Variants in PLIN4 observed in about 807,000 individuals in gnomAD.
PLIN4 encodes the protein perilipin 4, also known as perilipin-4.
Under a neutral mutation model 52.4 loss-of-function variants are expected in PLIN4, and 57 were observed. That is an observed-to-expected ratio of 1.09 (90% CI 0.88 to 1.36). PLIN4 has a LOEUF of 1.36. PLIN4 is among the 40% of genes most tolerant of loss of function. The pLI, the probability that PLIN4 is intolerant of heterozygous loss-of-function variation, is 0.00. For synonymous variants in PLIN4, 826 were observed against 785.4 expected (o/e 1.05, Z -0.86); for missense variants, 1,757 against 1,770.3 (o/e 0.99, Z 0.13).
chr19:4,506,921 C>T (rs1976112100), intron 6 of PLIN4, among the ~76,000 whole-genome samples: 1 of 152,204 alleles, frequency 6.6e-6, no homozygotes, highest in Non-Finnish European at 1.5e-5. Context: ...ATGAGGTGTC[C>T]TGAGGGTCCC....
chr19:4,516,316 G>A (rs1286730793), intron 4 of PLIN4, among the ~76,000 whole-genome samples: 1 of 152,230 alleles, frequency 6.6e-6, no homozygotes, highest in Non-Finnish European at 1.5e-5. Context: ...TGCTTACGCT[G>A]CTGTCGCTTT....
rs1028533834 is a variant in PLIN4, at chr19:4,503,200, G to C, written c.*1259C>G. The C allele has an allele frequency of 1.3e-5, 2 of 152,338 alleles. No individual in the cohort carries two copies. Among genetic ancestry groups the C allele is most frequent in the Non-Finnish European group, 2.9e-5 (2 of 68,144 alleles). 9.4% of individuals were successfully genotyped at this position (152,338 alleles called of 1,614,324 possible). Reference sequence around the variant, plus strand: ...CTCCACCCTTCCTCCCCCTGGGTCTGGGGTTCCTGGGCTCGTGTCCTAGGA... The same window carrying C: ...CTCCACCCTTCCTCCCCCTGGGTCTCGGGTTCCTGGGCTCGTGTCCTAGGA... On this transcript the variant is annotated 3_prime_UTR_variant, in exon 8 of 8. Coordinates refer to ENST00000301286, the MANE Select transcript of PLIN4 (RefSeq NM_001367868.2).
chr19:4,513,825 C>T, intron 4 of PLIN4, 124 bp from the exon 5 acceptor site: 4 of 1,264,876 alleles, frequency 3.2e-6, no homozygotes, highest in Non-Finnish European at 4.2e-6. Context: ...AGAGGCCCCA[C>T]CTCCTCAAAA....
At position 4,510,820 on chromosome 19, in the gene PLIN4, G is replaced by T. The variant is rs1976279958; in HGVS notation, c.3140C>A (p.Thr1047Asn). 5.0e-6 allele frequency: 8 copies of T among 1,611,036 alleles called. No homozygotes were observed. Among genetic ancestry groups the T allele is most frequent in the Non-Finnish European group, 6.8e-6 (8 of 1,177,810 alleles). The part of the protein sequence containing the change: ...SGNVATGATH[T>N]GLSTFQNWLP... Reference sequence around the variant, plus strand: ...CCAGTTCTGGAAGGTGCTGAGGCCAGTGTGGGTGGCCCCTGTCGCCACGTT... The same window carrying T: ...CCAGTTCTGGAAGGTGCTGAGGCCATTGTGGGTGGCCCCTGTCGCCACGTT... Residue 1047 changes from threonine to asparagine, a missense_variant, in exon 5 of 8, where the codon ACT becomes AAT. Thr to Asn is a moderately conservative substitution (Grantham distance 65). Coordinates refer to ENST00000301286, the MANE Select transcript of PLIN4 (RefSeq NM_001367868.2).
Position 4,513,451 on chromosome 19 carries a change from T to C in PLIN4, c.509A>G (p.Asp170Gly), listed in dbSNP as rs371538957. Reference sequence around the variant, plus strand: ...CCCCGTGAGCCCAGTGGACACCGTGTCCTTGGTGCCGGTGAGGACAGCCTT... The same window carrying C: ...CCCCGTGAGCCCAGTGGACACCGTGCCCTTGGTGCCGGTGAGGACAGCCTT... Reference protein sequence around the residue: ...TSKAVLTGTKDTVSTGLTGAV... With the variant: ...TSKAVLTGTKGTVSTGLTGAV... The change falls in exon 5 of 8, where the codon GAC (aspartate) becomes GGC (glycine). Residue 170 changes from aspartate (D) to glycine (G), a missense_variant. Transcript: ENST00000301286. The C allele has an allele frequency of 1.2e-6, 2 of 1,613,480 alleles. No individual in the cohort carries two copies. Among genetic ancestry groups the C allele is most frequent in the Non-Finnish European group, 1.7e-6 (2 of 1,179,900 alleles).
Position 4,504,354 on chromosome 19 carries a change from G to A in PLIN4, c.*105C>T, listed in dbSNP as rs1367359105. On this transcript the variant is annotated 3_prime_UTR_variant, in exon 8 of 8. Coordinates refer to ENST00000301286, the MANE Select transcript of PLIN4 (RefSeq NM_001367868.2). ...CCAGCTGCAGCCCCAAAGGTCTAGG[G>A]CTTTAGGGAACCGATCCAGGTTTGG... 1 of 1,177,156 alleles carries A rather than the reference G, an allele frequency of 8.5e-7. No homozygotes were observed. Among genetic ancestry groups the A allele is most frequent in the Non-Finnish European group, 1.2e-6 (1 of 865,822 alleles). The allele number at this position is 1,177,156 out of a possible 1,614,324, so 72.9% of individuals were successfully genotyped here.
chr19:4,512,437 C>T lies in PLIN4; in HGVS notation c.1523G>A (p.Gly508Glu), dbSNP rs771857500. 13 of 1,610,920 alleles carry T rather than the reference C, an allele frequency of 8.1e-6. No individual in the cohort carries two copies. The highest frequency in any genetic ancestry group is 1.1e-5 in the Non-Finnish European group (13 of 1,179,108). The change falls in exon 5 of 8, where the codon GGG (glycine) becomes GAG (glutamate). Residue 508 changes from glycine (G) to glutamate (E), a missense_variant. This residue lies in a region of PLIN4 where 439 missense variants were observed against 406.4 expected (regional missense o/e 1.08). Transcript: ENST00000301286. ...TKDAVSTGLT[G>E]AVNVAKGTVQ... ...GGTCCCTTTGGCCACGTTCACAGCC[C>T]CTGTGAGCCCAGTGGACACAGCATC...
rs201386937 is a variant in PLIN4, at chr19:4,516,593, A to C, written c.258+24T>G. The C allele has an allele frequency of 3.8e-6, 6 of 1,593,816 alleles. No homozygotes were observed. In the Admixed American group the frequency reaches 1.0e-4, roughly 28 times the overall value. On this transcript the variant is annotated intron_variant, in intron 4 of 7. Coordinates refer to ENST00000301286, the MANE Select transcript of PLIN4 (RefSeq NM_001367868.2). ...ACCCCCAGGGCTCCTGCCACATCAG[A>C]CCCTGCCCTGCACATCCTCTCACCT...
intron 7 of PLIN4, 33 bp from the exon 8 acceptor site, chr19:4,504,818 C>T (rs759841668): frequency 1.9e-6 from 3 of 1,604,398 alleles, no homozygotes; most frequent in Non-Finnish European, 2.6e-6. Context: ...GAGTGGAGAC[C>T]CATGGGCGGG....
chr19:4,505,158 AAC>A (rs1324691903), intron 6 of PLIN4, among the ~76,000 whole-genome samples: 1 of 152,188 alleles, frequency 6.6e-6, no homozygotes, highest in Admixed American at 6.5e-5. Flanking sequence ...GAGTGCACGT[AAC>A]ACAGTGTCTG....
At position 4,504,495 on chromosome 19, in the gene PLIN4, C is replaced by T. The variant is rs997426157; in HGVS notation, c.4080G>A (p.Leu1360=). ...GLQHNPPLSW[L]VGPFALPAGG... ...CAGCGGGCAAGGCGAAGGGCCCTACCAGCCAGCTGAGCGGGGGATTGTGCT... is the reference window on the plus strand; with the variant it reads ...CAGCGGGCAAGGCGAAGGGCCCTACTAGCCAGCTGAGCGGGGGATTGTGCT... The change falls in exon 8 of 8, where the codon CTG becomes CTA. Residue 1360 remains leucine, a synonymous_variant. Transcript: ENST00000301286. The T allele has an allele frequency of 4.4e-6, 7 of 1,597,624 alleles. No individual in the cohort carries two copies. In the African/African-American group the frequency reaches 5.4e-5, roughly 12 times the overall value.
chr19:4,502,255 G>T lies in PLIN4; in HGVS notation c.*2204C>A. On this transcript the variant is annotated 3_prime_UTR_variant, in exon 8 of 8. Transcript: ENST00000301286. Reference sequence around the variant, plus strand: ...TTTTCTAGCATTGCTGGTGCAGTGGGGGCCTGAGCTGGGGCGCAGGCGGCA... The same window carrying T: ...TTTTCTAGCATTGCTGGTGCAGTGGTGGCCTGAGCTGGGGCGCAGGCGGCA... 1.7e-6 allele frequency: 1 copy of T among 596,212 alleles called. No homozygotes were observed. The highest frequency in any genetic ancestry group is 1.6e-5 in the South Asian group (1 of 60,826). The allele number at this position is 596,212 out of a possible 1,614,324, so 36.9% of individuals were successfully genotyped here. A position where few individuals can be genotyped will look rare whatever the true frequency, so the allele number is the denominator to read the frequency against.
At position 4,504,174 on chromosome 19, in the gene PLIN4, A is replaced by C. The variant is rs1054518321; in HGVS notation, c.*285T>G. On this transcript the variant is annotated 3_prime_UTR_variant, in exon 8 of 8. Coordinates refer to ENST00000301286, the MANE Select transcript of PLIN4 (RefSeq NM_001367868.2). ...ATTGCAGTGCTTGCTTGGGGACTTCAAGGGAAGGCTCTTGGCTGGTGGTCT... is the reference window on the plus strand; with the variant it reads ...ATTGCAGTGCTTGCTTGGGGACTTCCAGGGAAGGCTCTTGGCTGGTGGTCT... 2 of 378,668 alleles carry C rather than the reference A, an allele frequency of 5.3e-6. No individual in the cohort carries two copies. Among genetic ancestry groups the C allele is most frequent in the Admixed American group, 8.9e-5 (2 of 22,510 alleles). The allele number at this position is 378,668 out of a possible 1,614,324, so 23.5% of individuals were successfully genotyped here. A position where few individuals can be genotyped will look rare whatever the true frequency, so the allele number is the denominator to read the frequency against.
chr19:4,505,498 G>A (rs1441303570), intron 6 of PLIN4, among the ~76,000 whole-genome samples: 1 of 152,166 alleles, frequency 6.6e-6, no homozygotes, highest in Non-Finnish European at 1.5e-5. Context: ...GGCAGCCCCA[G>A]TCCCTCCCGT....
chr19:4,515,687 G>C (rs534407663), intron 4 of PLIN4, among the ~76,000 whole-genome samples: 9 of 152,218 alleles, frequency 5.9e-5, no homozygotes, highest in Non-Finnish European at 1.2e-4. Flanking sequence ...GCATGGAGTA[G>C]GTGGAGACCA....
Position 4,512,864 on chromosome 19 carries a change from T to C in PLIN4, c.1096A>G (p.Thr366Ala). 6.4e-7 allele frequency: 1 copy of C among 1,563,064 alleles called. No homozygotes were observed. The highest frequency in any genetic ancestry group is 8.6e-7 in the Non-Finnish European group (1 of 1,165,858). Residue 366 changes from threonine (T) to alanine (A), a missense_variant, in exon 5 of 8, where the codon ACC becomes GCC. By Grantham distance (58) the Thr-to-Ala change is moderately conservative. This residue lies in a region of PLIN4 where 99 missense variants were observed against 143.4 expected (regional missense o/e 0.69). Coordinates refer to ENST00000301286, the MANE Select transcript of PLIN4 (RefSeq NM_001367868.2). ...VDTTKTVLTG[T>A]KNTVCSGVTG... ...ACCCCACTGCAGACAGTGTTCTTGG[T>C]GCCAGTTAGGACAGTCTTGGTGGTG...
rs914344602 is a variant in PLIN4 at position 4,504,587 on chromosome 19, G to T, written c.3988C>A (p.Leu1330Met). ...GSVEELPAER[L>M]VQSREGVHQA... is the part of the protein sequence containing the mutation. Reference sequence around the variant, plus strand: ...TGCACACCCTCGCGGCTCTGCACCAGCCGCTCTGCGGGCAGCTCCTCTACA... The same window carrying T: ...TGCACACCCTCGCGGCTCTGCACCATCCGCTCTGCGGGCAGCTCCTCTACA... Residue 1330 changes from leucine to methionine, a missense_variant, in exon 8 of 8, where the codon CTG becomes ATG. Physicochemically the swap from Leu to Met is conservative, Grantham distance 15. Around this residue, in one of 7 missense-constraint regions of PLIN4, gnomAD observed 712 missense variants for 637.1 expected, o/e 1.12. Transcript: ENST00000301286. The T allele has an allele frequency of 1.2e-6, 2 of 1,603,742 alleles. No homozygotes were observed. The highest frequency in any genetic ancestry group is 1.7e-5 in the Admixed American group (1 of 59,372).
In PLIN4 at chr19:4,512,347, C is replaced by T. The variant is rs188834426; in HGVS notation, c.1613G>A (p.Gly538Glu). 4.1e-5 allele frequency: 66 copies of T among 1,611,672 alleles called. No homozygotes were observed. The Admixed American group carries it at 8.7e-4, about 21-fold the overall frequency. The change falls in exon 5 of 8, where the codon GGG (glycine) becomes GAG (glutamate). Residue 538 changes from glycine (G) to glutamate (E), a missense_variant. Physicochemically the swap from Gly to Glu is moderately conservative, Grantham distance 98. Coordinates refer to ENST00000301286, the MANE Select transcript of PLIN4 (RefSeq NM_001367868.2). ...GGCCACGTTCACAGCACTGGTCACC[C>T]CACTGCAGACGGTGTCCTTGGTGCC... ...LTGTKDTVCS[G>E]VTSAVNVAKG...
intron 4 of PLIN4, among the ~76,000 whole-genome samples, chr19:4,515,817 T>G (rs935292894): frequency 6.6e-6 from 1 of 152,206 alleles, no homozygotes; most frequent in African/African-American, 2.4e-5. Flanking sequence ...AGAACACATC[T>G]CCCAGCTTTG....
Sources: allele counts gnomAD v4.1 joint callset (sites outside exome capture counted in the v4.1 genomes callset), GRCh38; gene constraint gnomAD v4.1.1; regional missense constraint gnomAD v4.1.1; transcripts MANE v1.5; gene names NCBI Gene and HGNC (gene_info 2026-07-23, HGNC 2026-07-21).